Variants in AGAP3 observed in about 807,000 individuals in gnomAD.
AGAP3 encodes ArfGAP with GTPase domain, ankyrin repeat and PH domain 3, also known as arf-GAP with GTPase, ANK repeat and PH domain-containing protein 3.
AGAP3 carries 24 observed loss-of-function variants against 96.9 expected under a neutral mutation model. The observed-to-expected ratio is 0.25, with a 90% confidence interval of 0.18 to 0.35. The LOEUF is 0.35. Ranked by LOEUF, AGAP3 falls within the 10% of genes least tolerant of loss-of-function variation. The pLI, the probability that AGAP3 is intolerant of heterozygous loss-of-function variation, is 1.00. For missense variants in AGAP3, 876 were observed against 1,254.2 expected (o/e 0.70, Z 4.55); for synonymous variants, 563 against 536.1 (o/e 1.05, Z -0.69).
At chr7:151,120,733 TCCTC>T (rs1367397649) in intron 8 of AGAP3, 3 of 1,210,002 alleles carry the variant, frequency 2.5e-6, no homozygotes, top group Non-Finnish European at 3.2e-6. Flanking sequence ...GCTGCCTCGT[TCCTC>T]CCTCTCAGGT....
Position 151,140,026 on chromosome 7 carries a change from C to T in AGAP3, c.1714C>T (p.Pro572Ser). ...VLSSSPKLDPPPSPHSNRKKH... is the reference protein window; with the variant it reads ...VLSSSPKLDPSPSPHSNRKKH... Reference sequence around the variant, plus strand: ...CAGTTCCAGCCCCAAGCTGGATCCTCCCCCATCTCCCCACTCCAACCGGAA... The same window carrying T: ...CAGTTCCAGCCCCAAGCTGGATCCTTCCCCATCTCCCCACTCCAACCGGAA... Residue 572 changes from proline (P) to serine (S), a missense_variant, in exon 13 of 18, where the codon CCC becomes TCC. Coordinates refer to ENST00000397238, the MANE Select transcript of AGAP3 (RefSeq NM_031946.7). The surrounding 1 kb of genome is among the most constrained non-coding windows in gnomAD (Gnocchi z 5.4). 2.5e-6 allele frequency: 4 copies of T among 1,601,898 alleles called. No homozygotes were observed. Among genetic ancestry groups the T allele is most frequent in the South Asian group, 1.1e-5 (1 of 88,674 alleles).
intron 10 of AGAP3, among the ~76,000 whole-genome samples, chr7:151,131,640 C>T (rs775057805): frequency 3.0e-4 from 45 of 152,336 alleles, no homozygotes; most frequent in Non-Finnish European, 4.4e-4. Context: ...GCGTGGAATC[C>T]GGGGCTGTGG....
At chr7:151,134,345 G>A (rs1268222408) in intron 10 of AGAP3, 55 bp from the exon 11 acceptor site, 9 of 1,598,154 alleles carry the variant, frequency 5.6e-6, no homozygotes, top group Non-Finnish European at 6.0e-6. Flanking sequence ...AAGGCTCAAC[G>A]CTGGAGTGAC....
At position 151,138,167 on chromosome 7, in the gene AGAP3, C is replaced by T. The variant is rs1563523810; in HGVS notation, c.1520C>T (p.Ala507Val). 3 of 1,606,478 alleles carry T rather than the reference C, an allele frequency of 1.9e-6. No individual in the cohort carries two copies. The highest frequency in any genetic ancestry group is 2.5e-6 in the Non-Finnish European group (3 of 1,177,164). Residue 507 changes from alanine (A) to valine (V), a missense_variant, in exon 12 of 18, where the codon GCA (alanine) becomes GTA (valine). By Grantham distance (64) the Ala-to-Val change is moderately conservative. Transcript: ENST00000397238. ...GTGAPHSASS[A>V]SLHSERPLSS... Reference sequence around the variant, plus strand: ...GGTGCCCCCCACTCGGCCAGCAGCGCATCCCTGCACTCTGAGCGCCCCCTC... The same window carrying T: ...GGTGCCCCCCACTCGGCCAGCAGCGTATCCCTGCACTCTGAGCGCCCCCTC...
chr7:151,085,877 A>G (rs753306377), upstream of AGAP3: 25 of 152,164 alleles, frequency 1.6e-4, no homozygotes, highest in Admixed American at 3.9e-4. Flanking sequence ...CTTTTAGGAG[A>G]GCACTGCTGC....
intron 8 of AGAP3, chr7:151,120,796 A>G (rs919939967): frequency 8.5e-7 from 1 of 1,172,426 alleles, no homozygotes; most frequent in Non-Finnish European, 1.1e-6. Flanking sequence ...CAAACCTCAC[A>G]CCCCACACCT....
chr7:151,119,147 C>G, intron 7 of AGAP3: 1 of 177,664 alleles, frequency 5.6e-6, no homozygotes, highest in Admixed American at 5.4e-5. Context: ...CTCTGAGCAG[C>G]CCCGCCCGAC....
intron 1 of AGAP3, among the ~76,000 whole-genome samples, chr7:151,097,803 T>A (rs903526688): frequency 2.0e-5 from 3 of 152,098 alleles, no homozygotes; most frequent in African/African-American, 7.2e-5. Flanking sequence ...ACACTGGGGA[T>A]CACATTTCAA....
chr7:151,102,345 C>T lies in AGAP3; in HGVS notation c.332-14448C>T, dbSNP rs116017626. 5.8e-3 allele frequency among the ~76,000 whole-genome samples: 889 copies of T among 152,266 alleles called. 10 individuals carry two copies. The highest frequency in any genetic ancestry group is 0.02 in the African/African-American group (827 of 41,552). ...GTAGTATGTTTTCAAACTACTCAAA[C>T]GCGCCACCCCACACTCCAGCACTTT... On this transcript the variant is annotated intron_variant, in intron 1 of 17. Transcript: ENST00000397238.
Position 151,118,036 on chromosome 7 carries a change from A to G in AGAP3, c.707-174A>G. On this transcript the variant is annotated intron_variant, in intron 5 of 17. Transcript: ENST00000397238. The surrounding 1 kb of genome is among the most constrained non-coding windows in gnomAD (Gnocchi z 6.1). ...AGAGCTTAAGTGCTTGCTGGTTTGC[A>G]CTCAGTGAGGCCATGGAAGGGTTGA... is the stretch of plus-strand genomic sequence containing the variant. The G allele has an allele frequency of 1.1e-6, 1 of 946,830 alleles. No homozygotes were observed. The highest frequency in any genetic ancestry group is 1.6e-6 in the Non-Finnish European group (1 of 642,090). The allele number at this position is 946,830 out of a possible 1,614,324, so 58.7% of individuals were successfully genotyped here.
chr7:151,117,046 C>G, intron 2 of AGAP3, 49 bp from the exon 3 acceptor site: 1 of 1,574,002 alleles, frequency 6.4e-7, no homozygotes, highest in South Asian at 1.1e-5. Flanking sequence ...TGGGTCTTCT[C>G]CCTCGTGCCC....
intron 11 of AGAP3, among the ~76,000 whole-genome samples, chr7:151,137,541 C>G (rs1030158936): frequency 6.6e-6 from 1 of 152,218 alleles, no homozygotes; most frequent in African/African-American, 2.4e-5. Flanking sequence ...GTGCGGCGCT[C>G]TGTCCTCCCT....
intron 11 of AGAP3, among the ~76,000 whole-genome samples, chr7:151,134,788 A>G (rs1800530819): frequency 6.6e-6 from 1 of 152,172 alleles, no homozygotes; most frequent in South Asian, 2.1e-4. Flanking sequence ...TGGATGTCAG[A>G]TGGGGCCAAG....
chr7:151,118,738 C>T lies in AGAP3; in HGVS notation c.969+106C>T. The T allele has an allele frequency of 1.4e-6, 2 of 1,415,794 alleles. No homozygotes were observed. Among genetic ancestry groups the T allele is most frequent in the South Asian group, 1.2e-5 (1 of 80,784 alleles). 87.7% of individuals were successfully genotyped at this position (1,415,794 alleles called of 1,614,324 possible). A position where few individuals can be genotyped will look rare whatever the true frequency, so the allele number is the denominator to read the frequency against. ...CTCCTGCTCACACCTGTCCACCTTCCTCTGGCCTCCCAGCCTTGCATGTTG... is the reference window on the plus strand; with the variant it reads ...CTCCTGCTCACACCTGTCCACCTTCTTCTGGCCTCCCAGCCTTGCATGTTG... On this transcript the variant is annotated intron_variant, in intron 7 of 17. Coordinates refer to ENST00000397238, the MANE Select transcript of AGAP3 (RefSeq NM_031946.7). The surrounding 1 kb of genome is among the most constrained non-coding windows in gnomAD (Gnocchi z 6.1).
intron 1 of AGAP3, among the ~76,000 whole-genome samples, chr7:151,093,448 T>C (rs1798477514): frequency 6.6e-6 from 1 of 152,214 alleles, no homozygotes; most frequent in Non-Finnish European, 1.5e-5. Context: ...TGCCCAAATA[T>C]GTATTTAATT....
chr7:151,139,935 C>T lies in AGAP3; in HGVS notation c.1667-44C>T. ...CAGTGCCCTGCGCCCCTCCCCTCCTCTGCCTCCCTTCTTCCCACACTTCTC... is the reference window on the plus strand; with the variant it reads ...CAGTGCCCTGCGCCCCTCCCCTCCTTTGCCTCCCTTCTTCCCACACTTCTC... On this transcript the variant is annotated intron_variant, in intron 12 of 17. Coordinates refer to ENST00000397238, the MANE Select transcript of AGAP3 (RefSeq NM_031946.7). This position sits in a 1 kb window ranked among gnomAD's most constrained non-coding sequence, Gnocchi z 4.9. 2.7e-6 allele frequency: 4 copies of T among 1,459,626 alleles called. No individual in the cohort carries two copies. The highest frequency in any genetic ancestry group is 3.6e-6 in the Non-Finnish European group (4 of 1,100,888). 90.4% of individuals were successfully genotyped at this position (1,459,626 alleles called of 1,614,324 possible).
intron 1 of AGAP3, among the ~76,000 whole-genome samples, chr7:151,092,297 G>A (rs1009062095): frequency 1.3e-5 from 2 of 152,172 alleles, no homozygotes; most frequent in East Asian, 1.9e-4. Flanking sequence ...GCCAAGGCTG[G>A]GGGGAGACAG....
At chr7:151,131,916 G>A (rs1800418972) in intron 10 of AGAP3, among the ~76,000 whole-genome samples, 1 of 152,200 alleles carries the variant, frequency 6.6e-6, no homozygotes, top group African/African-American at 2.4e-5. Flanking sequence ...CCTAAGGAGG[G>A]ACTGCAGCTG....
intron 11 of AGAP3, 40 bp downstream of exon 11, chr7:151,134,608 C>T (rs1366272652): frequency 1.9e-6 from 3 of 1,555,780 alleles, no homozygotes; most frequent in Non-Finnish European, 1.7e-6. Context: ...GGGGTGGCTG[C>T]CTTGGAGCCA....
Sources: gnomAD v4.1 joint callset for allele counts (sites outside exome capture counted in the v4.1 genomes callset) on GRCh38, gnomAD v4.1.1 for gene constraint, Gnocchi (gnomAD v3.1) non-coding constraint, MANE v1.5 for transcripts, NCBI Gene and HGNC (gene_info 2026-07-23, HGNC 2026-07-21) for gene names.